The following PHLPP1 variants were observed in gnomAD, a reference collection of about 807,000 sequenced individuals.
The protein encoded by PHLPP1 is PH domain and leucine rich repeat protein phosphatase 1, also known as PH domain leucine-rich repeat-containing protein phosphatase 1.
In PHLPP1, 42 loss-of-function variants were observed where a neutral mutation model predicts 117.2. That is an observed-to-expected ratio of 0.36 (90% CI 0.28 to 0.46). PHLPP1 has a LOEUF of 0.46. Ranked by LOEUF, PHLPP1 falls within the 20% of genes least tolerant of loss-of-function variation. The probability of loss-of-function intolerance (pLI) is 1.00; values close to 1 mark genes in which losing one functional copy is unlikely to be tolerated. For missense variants in PHLPP1, 2,084 were observed against 2,241.9 expected, an observed-to-expected ratio of 0.93 and a Z score of 1.42; for synonymous variants, 1,042 against 970.7, an observed-to-expected ratio of 1.07 and a Z score of -1.37.
intron 10 of PHLPP1, among the ~76,000 whole-genome samples, chr18:62,921,791 C>A (rs142560184): frequency 2.6e-5 from 4 of 152,180 alleles, no homozygotes; most frequent in African/African-American, 9.6e-5. Flanking sequence ...AGTAAAGTGT[C>A]CAACTTTTAA....
rs999830162 is a variant in PHLPP1, at chr18:62,978,023, C to T, written c.3985-239C>T. On this transcript the variant is annotated intron_variant, in intron 16 of 16. Transcript: ENST00000262719. The surrounding 1 kb of genome is among the most constrained non-coding windows in gnomAD (Gnocchi z 7.0). ...ATGGGGTCCCAGTAACACACATAAC[C>T]GAAATCTTTTCCTTTTGTCCCTACT... 2.6e-5 allele frequency among the ~76,000 whole-genome samples: 4 copies of T among 152,156 alleles called. No homozygotes were observed. Among genetic ancestry groups the T allele is most frequent in the African/African-American group, 7.2e-5 (3 of 41,420 alleles).
At chr18:62,787,463 C>T (rs192021399) in intron 1 of PHLPP1, among the ~76,000 whole-genome samples, 276 of 152,216 alleles carry the variant, frequency 1.8e-3, no homozygotes, top group African/African-American at 6.5e-3. Context: ...CCACCGTGCC[C>T]GACCTAAAGC....
At chr18:62,917,670 A>C (rs1385523192) in intron 9 of PHLPP1, among the ~76,000 whole-genome samples, 1 of 151,664 alleles carries the variant, frequency 6.6e-6, no homozygotes, top group East Asian at 1.9e-4. Context: ...AAAATTAGCT[A>C]GATATGGTGG....
At chr18:62,954,608 T>C (rs1910560505) in intron 12 of PHLPP1, among the ~76,000 whole-genome samples, 1 of 152,220 alleles carries the variant, frequency 6.6e-6, no homozygotes, top group Non-Finnish European at 1.5e-5. Flanking sequence ...TGTAATTTTT[T>C]TTTCAACTTT....
At chr18:62,820,497 A>T (rs897182544) in intron 1 of PHLPP1, among the ~76,000 whole-genome samples, 5 of 152,246 alleles carry the variant, frequency 3.3e-5, no homozygotes, top group Admixed American at 2.0e-4. Context: ...AGGAGAGATC[A>T]GATGGAGGTA....
At chr18:62,942,329 TG>T (rs1265694969) in intron 11 of PHLPP1, among the ~76,000 whole-genome samples, 2 of 152,176 alleles carry the variant, frequency 1.3e-5, no homozygotes, top group Non-Finnish European at 2.9e-5. Flanking sequence ...GAGACCAGCC[TG>T]GGCAACATAG....
chr18:62,716,097 CTCG>C lies in PHLPP1; in HGVS notation c.426_428del (p.Ser144del), dbSNP rs779444749. ...TGTCCGCGGCCGCCGCGGCCGCCTC[CTCG>C]TCGTCGTCGTCCTCGGCCGCTGCTG... is the stretch of plus-strand genomic sequence containing the variant. On this transcript the variant is annotated inframe_deletion, in exon 1 of 17. Transcript: ENST00000262719. The surrounding 1 kb of genome is among the most constrained non-coding windows in gnomAD (Gnocchi z 5.7). 16 of 1,501,712 alleles carry C rather than the reference CTCG, an allele frequency of 1.1e-5. No individual in the cohort carries two copies. The highest frequency in any genetic ancestry group is 5.3e-5 in the East Asian group (2 of 37,590). The allele number at this position is 1,501,712 out of a possible 1,614,324, so 93.0% of individuals were successfully genotyped here. A position where few individuals can be genotyped will look rare whatever the true frequency, so the allele number is the denominator to read the frequency against.
intron 1 of PHLPP1, among the ~76,000 whole-genome samples, chr18:62,792,868 C>CA (rs71160870): frequency 0.058 from 3,216 of 55,004 alleles, 137 homozygotes; most frequent in African/African-American, 0.12. Context: ...GCCTCTGTCT[C>CA]AAAAAAAAAA....
chr18:62,732,959 T>C lies in PHLPP1; in HGVS notation c.1576+15700T>C, dbSNP rs1465785744. ...TGAATGGATGAGGAATTTCCTCTTA[T>C]GGACAAGCAAAGAAAGTGGTTTCTT... On this transcript the variant is annotated intron_variant, in intron 1 of 16. Coordinates refer to ENST00000262719, the MANE Select transcript of PHLPP1 (RefSeq NM_194449.4). Among the ~76,000 whole-genome samples the C allele has an allele frequency of 2.0e-5, 3 of 152,328 alleles. 1 individual carries two copies. In the South Asian group the frequency reaches 6.2e-4, roughly 32 times the overall value.
intron 2 of PHLPP1, among the ~76,000 whole-genome samples, chr18:62,833,072 G>A (rs1235070802): frequency 6.6e-6 from 1 of 152,084 alleles, no homozygotes; most frequent in Non-Finnish European, 1.5e-5. Flanking sequence ...TTTAAATAAT[G>A]TATTATTATT....
chr18:62,716,704 C>T lies in PHLPP1; in HGVS notation c.1021C>T (p.Arg341Trp), dbSNP rs529519334. Residue 341 changes from arginine (R) to tryptophan (W), a missense_variant, in exon 1 of 17, where the codon CGG (arginine) becomes TGG (tryptophan). This residue lies in a region of PHLPP1 where 719 missense variants were observed against 636.0 expected (regional missense o/e 1.13). Coordinates refer to ENST00000262719, the MANE Select transcript of PHLPP1 (RefSeq NM_194449.4). The surrounding 1 kb of genome is among the most constrained non-coding windows in gnomAD (Gnocchi z 5.7). Reference sequence around the variant, plus strand: ...CCCTGTCTCTTCGCCCCGCGCCCCACGGCCTGTGGTCTCCGACACCGAGAG... The same window carrying T: ...CCCTGTCTCTTCGCCCCGCGCCCCATGGCCTGTGGTCTCCGACACCGAGAG... ...GGPVSSPRAP[R>W]PVVSDTESFS... 3.4e-6 allele frequency: 5 copies of T among 1,483,138 alleles called. No homozygotes were observed. Among genetic ancestry groups the T allele is most frequent in the African/African-American group, 2.9e-5 (2 of 68,300 alleles). 91.9% of individuals were successfully genotyped at this position (1,483,138 alleles called of 1,614,324 possible). A position where few individuals can be genotyped will look rare whatever the true frequency, so the allele number is the denominator to read the frequency against.
intron 1 of PHLPP1, among the ~76,000 whole-genome samples, chr18:62,724,207 T>C (rs1393872149): frequency 6.6e-6 from 1 of 152,198 alleles, no homozygotes; most frequent in Non-Finnish European, 1.5e-5. Context: ...GTACATCCTC[T>C]TTTAAGTTAA....
At chr18:62,936,943 A>G (rs1276176394) in intron 10 of PHLPP1, among the ~76,000 whole-genome samples, 1 of 152,240 alleles carries the variant, frequency 6.6e-6, no homozygotes, top group African/African-American at 2.4e-5. Flanking sequence ...GGAGACAGAA[A>G]TCAGAGGGTT....
intron 1 of PHLPP1, among the ~76,000 whole-genome samples, chr18:62,808,113 G>T (rs1447731748): frequency 6.6e-6 from 1 of 152,164 alleles, no homozygotes; most frequent in African/African-American, 2.4e-5. Context: ...AGCTTGGATT[G>T]GGTCTGGGGT....
intron 16 of PHLPP1, among the ~76,000 whole-genome samples, chr18:62,977,684 A>G (rs571337289): frequency 6.6e-5 from 10 of 152,328 alleles, no homozygotes; most frequent in African/African-American, 2.2e-4. Flanking sequence ...AGTACTTTCA[A>G]GTCCTCTCTG....
intron 8 of PHLPP1, among the ~76,000 whole-genome samples, chr18:62,905,949 T>G (rs958871023): frequency 2.0e-5 from 3 of 151,966 alleles, no homozygotes; most frequent in African/African-American, 7.2e-5. Context: ...CAGTATGTAT[T>G]TATACCACGT....
chr18:62,843,802 G>C (rs997786299), intron 3 of PHLPP1, among the ~76,000 whole-genome samples: 1 of 152,170 alleles, frequency 6.6e-6, no homozygotes, highest in African/African-American at 2.4e-5. Flanking sequence ...GAAGTGAAAA[G>C]GCTACGGCTA....
intron 1 of PHLPP1, among the ~76,000 whole-genome samples, chr18:62,749,365 A>G (rs1165586362): frequency 2.0e-5 from 3 of 152,214 alleles, no homozygotes; most frequent in Admixed American, 2.0e-4. Context: ...ATGGAAAAGT[A>G]TGTGGGAGAA....
At chr18:62,958,168 C>T (rs976922917) in intron 12 of PHLPP1, among the ~76,000 whole-genome samples, 1 of 152,102 alleles carries the variant, frequency 6.6e-6, no homozygotes, top group African/African-American at 2.4e-5. Context: ...GTGATCCACC[C>T]TACTCGGCCT....
Sources: allele counts gnomAD v4.1 joint callset (sites outside exome capture counted in the v4.1 genomes callset), GRCh38; gene constraint gnomAD v4.1.1; regional missense constraint gnomAD v4.1.1; non-coding constraint Gnocchi (gnomAD v3.1); transcripts MANE v1.5; gene names NCBI Gene and HGNC (gene_info 2026-07-23, HGNC 2026-07-21).